INPP4B: variants seen among roughly 807,000 people sequenced by gnomAD.
INPP4B encodes the protein inositol polyphosphate 4-phosphatase type II.
A neutral mutation model predicts 122.5 loss-of-function variants in INPP4B; 55 were observed. The observed-to-expected ratio is 0.45, with a 90% CI of 0.36 to 0.56. INPP4B has a LOEUF of 0.56. INPP4B is among the 20% of genes least tolerant of loss of function. The probability of loss-of-function intolerance (pLI) is 0.00; values close to 1 mark genes in which losing one functional copy is unlikely to be tolerated. For missense variants in INPP4B, 1,000 were observed against 1,097.7 expected (o/e 0.91, Z 1.26); for synonymous variants, 403 against 388.7 (o/e 1.04, Z -0.43).
intron 5 of INPP4B, among the ~76,000 whole-genome samples, chr4:142,427,643 A>G (rs1406108929): frequency 6.6e-6 from 1 of 152,054 alleles, no homozygotes; most frequent in Non-Finnish European, 1.5e-5. Flanking sequence ...CATTTGCCTA[A>G]CAATTGCCAC....
chr4:142,835,637 A>C (rs1193177513), intron 1 of INPP4B, among the ~76,000 whole-genome samples: 3 of 152,218 alleles, frequency 2.0e-5, no homozygotes, highest in Admixed American at 6.5e-5. Flanking sequence ...TTTGAAATGG[A>C]AACAAAATAT....
intron 21 of INPP4B, among the ~76,000 whole-genome samples, chr4:142,117,463 C>A (rs1025972407): frequency 3.3e-5 from 5 of 152,150 alleles, no homozygotes; most frequent in Non-Finnish European, 7.3e-5. Flanking sequence ...GCTTATCCAC[C>A]ATGATCAGGT....
rs536209789 is a variant in INPP4B at position 142,377,326 on chromosome 4, T to TA, written c.372+25611dup. Among the ~76,000 whole-genome samples, 558 of 144,192 alleles carry TA rather than the reference T, an allele frequency of 3.9e-3. 1 individual carries two copies. Among genetic ancestry groups the TA allele is most frequent in the South Asian group, 0.01 (46 of 4,540 alleles). The allele number at this position is 144,192 out of a possible 152,430, so 94.6% of individuals were successfully genotyped here. A position where few individuals can be genotyped will look rare whatever the true frequency, so the allele number is the denominator to read the frequency against. ...AGCAAAGTAGGATTGTGAGGAAAGT[T>TA]AAAAAAAAAAAAATCCTTATCTGCT... On this transcript the variant is annotated intron_variant, in intron 7 of 25. Coordinates refer to ENST00000262992, the MANE Select transcript of INPP4B (RefSeq NM_001101669.3).
Position 142,499,686 on chromosome 4 carries a change from G to A in INPP4B, c.-190-36960C>T, listed in dbSNP as rs561366367. On this transcript the variant is annotated intron_variant, in intron 2 of 25. Coordinates refer to ENST00000262992, the MANE Select transcript of INPP4B (RefSeq NM_001101669.3). ...ATGAAACTAGAGTAATTCTGAGGAT[G>A]TTGTCATCCATCAACCCACAGGAGT... Among the ~76,000 whole-genome samples, 15 of 152,248 alleles carry A rather than the reference G, an allele frequency of 9.9e-5. No homozygotes were observed. In the South Asian group the frequency reaches 3.1e-3, roughly 32 times the overall value.
intron 12 of INPP4B, among the ~76,000 whole-genome samples, chr4:142,212,773 T>C (rs1845456921): frequency 6.6e-6 from 1 of 151,810 alleles, no homozygotes; most frequent in African/African-American, 2.4e-5. Context: ...TAGGGAAAGG[T>C]AGTGCAAATA....
chr4:142,703,825 T>C (rs189621730), intron 2 of INPP4B, among the ~76,000 whole-genome samples: 3 of 152,206 alleles, frequency 2.0e-5, no homozygotes, highest in Non-Finnish European at 2.9e-5. Context: ...AGGAAACAAG[T>C]GAACTAGCAG....
At chr4:142,388,514 C>A (rs1291714509) in intron 7 of INPP4B, among the ~76,000 whole-genome samples, 1 of 152,076 alleles carries the variant, frequency 6.6e-6, no homozygotes, top group East Asian at 1.9e-4. Flanking sequence ...AGAGGAGGAG[C>A]CACAGAACCC....
chr4:142,431,689 C>T (rs999058055), intron 3 of INPP4B, among the ~76,000 whole-genome samples: 2 of 152,046 alleles, frequency 1.3e-5, no homozygotes, highest in Admixed American at 6.6e-5. Flanking sequence ...AGTATAAAAC[C>T]TAATTTAGCA....
chr4:142,303,358 C>G (rs896242830), intron 9 of INPP4B, among the ~76,000 whole-genome samples: 3 of 152,054 alleles, frequency 2.0e-5, no homozygotes, highest in African/African-American at 7.2e-5. Flanking sequence ...GCTCTTAGTT[C>G]TGTGAATTTG....
At chr4:142,330,733 A>G (rs1034579123) in intron 7 of INPP4B, among the ~76,000 whole-genome samples, 6 of 152,212 alleles carry the variant, frequency 3.9e-5, no homozygotes, top group African/African-American at 1.4e-4. Context: ...GAATTTTAAC[A>G]TTTAAAATTC....
At chr4:142,742,554 C>T (rs1768057828) in intron 1 of INPP4B, among the ~76,000 whole-genome samples, 1 of 151,606 alleles carries the variant, frequency 6.6e-6, no homozygotes, top group Non-Finnish European at 1.5e-5. Flanking sequence ...AAAATATAGT[C>T]TTAGTAGTGA....
In INPP4B at chr4:142,122,335, C is replaced by A. The variant is rs1430462584; in HGVS notation, c.2018-90G>T. Reference sequence around the variant, plus strand: ...GCCTCCCTGCTGGAATTTGTTCTAGCATTTTATTGAATGAGTTTCTGAATG... The same window carrying A: ...GCCTCCCTGCTGGAATTTGTTCTAGAATTTTATTGAATGAGTTTCTGAATG... On this transcript the variant is annotated intron_variant, in intron 20 of 25. Coordinates refer to ENST00000262992, the MANE Select transcript of INPP4B (RefSeq NM_001101669.3). The A allele has an allele frequency of 3.2e-6, 3 of 938,056 alleles. No homozygotes were observed. In the East Asian group the frequency reaches 7.5e-5, roughly 24 times the overall value. 58.1% of individuals were successfully genotyped at this position (938,056 alleles called of 1,614,324 possible). A position where few individuals can be genotyped will look rare whatever the true frequency, so the allele number is the denominator to read the frequency against.
chr4:142,174,111 T>G (rs1267667755), intron 15 of INPP4B, among the ~76,000 whole-genome samples: 2 of 152,080 alleles, frequency 1.3e-5, no homozygotes, highest in African/African-American at 4.8e-5. Flanking sequence ...TAATCATGTA[T>G]GTCAAGTATT....
intron 3 of INPP4B, among the ~76,000 whole-genome samples, chr4:142,456,030 A>T (rs1030559893): frequency 4.0e-5 from 6 of 151,648 alleles, no homozygotes; most frequent in African/African-American, 1.2e-4. Context: ...GTTGTTTCAG[A>T]TCCTTATATA....
chr4:142,113,260 C>A (rs886272980), intron 21 of INPP4B, among the ~76,000 whole-genome samples: 1 of 151,938 alleles, frequency 6.6e-6, no homozygotes, highest in Non-Finnish European at 1.5e-5. Context: ...TTAAAAACTA[C>A]CCCTATTTTT....
At position 142,324,712 on chromosome 4, in the gene INPP4B, C is replaced by T. The variant is rs1443546248; in HGVS notation, c.373-9950G>A. On this transcript the variant is annotated intron_variant, in intron 7 of 25. Transcript: ENST00000262992. ...CAACTCAGCACTCCCCCTAGGGCAT[C>T]TCTTGCCTGTTGTCAGTTTCTCTCT... is the stretch of plus-strand genomic sequence containing the variant. Among the ~76,000 whole-genome samples, 4 of 152,250 alleles carry T rather than the reference C, an allele frequency of 2.6e-5. 1 individual carries two copies. The East Asian group carries it at 7.8e-4, about 30-fold the overall frequency.
chr4:142,439,499 C>T (rs1230229214), intron 3 of INPP4B, among the ~76,000 whole-genome samples: 2 of 152,156 alleles, frequency 1.3e-5, no homozygotes, highest in Non-Finnish European at 2.9e-5. Flanking sequence ...ATATTCCCTC[C>T]TTCATGGATT....
intron 2 of INPP4B, among the ~76,000 whole-genome samples, chr4:142,635,478 C>G (rs1286774706): frequency 1.3e-5 from 2 of 152,112 alleles, no homozygotes; most frequent in Non-Finnish European, 2.9e-5. Context: ...CAATGACAGA[C>G]TGGATAAATA....
At chr4:142,538,942 A>C (rs1828610955) in intron 2 of INPP4B, among the ~76,000 whole-genome samples, 1 of 151,864 alleles carries the variant, frequency 6.6e-6, no homozygotes, top group Non-Finnish European at 1.5e-5. Flanking sequence ...TGAGGCTGGA[A>C]ATTTTATCAA....
Sources: allele counts gnomAD v4.1 joint callset (sites outside exome capture counted in the v4.1 genomes callset), GRCh38; gene constraint gnomAD v4.1.1; transcripts MANE v1.5; gene names NCBI Gene and HGNC (gene_info 2026-07-23, HGNC 2026-07-21).